Variants in DUSP14 observed in about 807,000 individuals in gnomAD.
DUSP14 encodes dual specificity phosphatase 14, also known as dual specificity protein phosphatase 14.
In DUSP14, 5 loss-of-function variants were observed where a neutral mutation model predicts 13.2. The ratio of observed to expected loss-of-function variants is 0.38; its 90% CI spans 0.20 to 0.80. The LOEUF (loss-of-function observed/expected upper bound fraction) is 0.80, where lower values mean the gene tolerates loss of function less well. Among genes scored for constraint, DUSP14 ranks in the 30% least tolerant of loss-of-function variants. DUSP14 has a pLI of 0.44. For synonymous variants in DUSP14, 91 were observed against 103.4 expected, an observed-to-expected ratio of 0.88 and a Z score of 0.73; for missense variants, 185 against 264.0, an observed-to-expected ratio of 0.70 and a Z score of 2.07.
chr17:37,497,056 G>A (rs1047948077), intron 1 of DUSP14, among the ~76,000 whole-genome samples: 1 of 151,508 alleles, frequency 6.6e-6, no homozygotes, highest in Non-Finnish European at 1.5e-5. Flanking sequence ...AGCTTCCTTG[G>A]GCCATTTCTC....
chr17:37,500,148 A>G (rs2054096047), intron 1 of DUSP14, among the ~76,000 whole-genome samples: 1 of 152,258 alleles, frequency 6.6e-6, no homozygotes, highest in Non-Finnish European at 1.5e-5. Flanking sequence ...TAGCGTGGTA[A>G]TTATAGGTGC....
intron 1 of DUSP14, among the ~76,000 whole-genome samples, chr17:37,508,340 C>G (rs1207762971): frequency 1.3e-5 from 2 of 152,224 alleles, no homozygotes; most frequent in Admixed American, 6.5e-5. Context: ...GGGACGGAAT[C>G]AGAAGCTGGG....
chr17:37,503,810 C>T (rs1240676556), intron 1 of DUSP14, among the ~76,000 whole-genome samples: 2 of 152,118 alleles, frequency 1.3e-5, no homozygotes, highest in African/African-American at 4.8e-5. Flanking sequence ...ATTTGTGTCA[C>T]GATGCTGGCA....
intron 1 of DUSP14, among the ~76,000 whole-genome samples, chr17:37,497,793 C>T (rs1199465583): frequency 1.3e-5 from 2 of 149,824 alleles, no homozygotes; most frequent in African/African-American, 4.9e-5. Context: ...CCCATGCCTA[C>T]AATCCCAGCA....
chr17:37,512,748 T>C lies in DUSP14; in HGVS notation c.476T>C (p.Ile159Thr). The C allele has an allele frequency of 1.9e-6, 3 of 1,613,996 alleles. No homozygotes were observed. Among genetic ancestry groups the C allele is most frequent in the Non-Finnish European group, 2.5e-6 (3 of 1,180,042 alleles). The change falls in exon 3 of 3, where the codon ATA (isoleucine) becomes ACA (threonine). Residue 159 changes from isoleucine to threonine, a missense_variant. By Grantham distance (89) the Ile-to-Thr change is moderately conservative. Transcript: ENST00000617516. The surrounding 1 kb of genome is among the most constrained non-coding windows in gnomAD (Gnocchi z 4.8). ...AACGTAGGCTTCTGGAGGCAACTGA[T>C]AGACTACGAGCGCCAGCTCTTTGGG... The part of the protein sequence containing the change: ...RPNVGFWRQL[I>T]DYERQLFGKS...
At chr17:37,498,312 ATCTTTTTTTT>A (rs2054079305) in intron 1 of DUSP14, among the ~76,000 whole-genome samples, 1 of 103,270 alleles carries the variant, frequency 9.7e-6, no homozygotes, top group Non-Finnish European at 1.9e-5. Context: ...ACTAGATTGT[ATCTTTTTTTT>A]TTTTTTTTTT....
At position 37,512,340 on chromosome 17, in the gene DUSP14, A is replaced by C. The variant is rs774354243; in HGVS notation, c.68A>C (p.Asp23Ala). The change falls in exon 3 of 3, where the codon GAC becomes GCC. Residue 23 changes from aspartate to alanine, a missense_variant. Transcript: ENST00000617516. This position sits in a 1 kb window ranked among gnomAD's most constrained non-coding sequence, Gnocchi z 4.8. The stretch of plus-strand genomic sequence containing the variant: ...GCCCCTCGGATGATTTCCGAGGGAG[A>C]CATAGGAGGCATTGCTCAAATCACC... ...LMAPRMISEG[D>A]IGGIAQITSS... 3.1e-6 allele frequency: 5 copies of C among 1,614,012 alleles called. No homozygotes were observed. In the South Asian group the frequency reaches 5.5e-5, roughly 18 times the overall value.
chr17:37,503,688 TCCA>T (rs923945561), intron 1 of DUSP14, among the ~76,000 whole-genome samples: 27 of 152,340 alleles, frequency 1.8e-4, no homozygotes, highest in Non-Finnish European at 3.8e-4. Context: ...ATGCAGACCT[TCCA>T]CCTTTTATAG....
intron 1 of DUSP14, among the ~76,000 whole-genome samples, chr17:37,499,360 G>A (rs1015648482): frequency 2.6e-5 from 4 of 152,034 alleles, no homozygotes; most frequent in Non-Finnish European, 5.9e-5. Context: ...TATTTTAAGA[G>A]ATGGGGTCTC....
chr17:37,505,922 C>T (rs2054134865), intron 1 of DUSP14, among the ~76,000 whole-genome samples: 1 of 151,942 alleles, frequency 6.6e-6, no homozygotes, highest in Non-Finnish European at 1.5e-5. Flanking sequence ...ACTTAGTGTT[C>T]GATGCTTATT....
intron 1 of DUSP14, among the ~76,000 whole-genome samples, chr17:37,494,337 G>A (rs959838145): frequency 6.6e-6 from 1 of 152,168 alleles, no homozygotes; most frequent in African/African-American, 2.4e-5. Context: ...TCCTTTGCCT[G>A]AGAAAGTAGA....
chr17:37,495,712 T>G (rs1221333925), intron 1 of DUSP14, among the ~76,000 whole-genome samples: 1 of 151,804 alleles, frequency 6.6e-6, no homozygotes, highest in Non-Finnish European at 1.5e-5. Context: ...CAGGCTGGAG[T>G]GCAGTGGCGC....
chr17:37,492,559 T>C (rs755959356), intron 1 of DUSP14, among the ~76,000 whole-genome samples: 5 of 152,220 alleles, frequency 3.3e-5, no homozygotes, highest in Non-Finnish European at 7.3e-5. Context: ...GTGCTGTGCC[T>C]GAATACAGAG....
chr17:37,488,618 T>C (rs1008503699), upstream of DUSP14, among the ~76,000 whole-genome samples: 8 of 152,228 alleles, frequency 5.3e-5, no homozygotes, highest in African/African-American at 1.9e-4. Context: ...CTTAGATTAA[T>C]TTTGCCTAAT....
rs149299052 is a variant in DUSP14 at position 37,512,573 on chromosome 17, A to G, written c.301A>G (p.Ser101Gly). ...CGTGGCTGACAAGATCCACAGTGTGAGCAGGAAGCACGGGGCCACCTTGGT... is the reference window on the plus strand; with the variant it reads ...CGTGGCTGACAAGATCCACAGTGTGGGCAGGAAGCACGGGGCCACCTTGGT... ...DTVADKIHSV[S>G]RKHGATLVHC... Residue 101 changes from serine to glycine, a missense_variant, in exon 3 of 3, where the codon AGC becomes GGC. Transcript: ENST00000617516. The surrounding 1 kb of genome is among the most constrained non-coding windows in gnomAD (Gnocchi z 4.8). 26 of 1,614,070 alleles carry G rather than the reference A, an allele frequency of 1.6e-5. No individual in the cohort carries two copies. The highest frequency in any genetic ancestry group is 1.6e-4 in the Middle Eastern group (1 of 6,084).
In DUSP14 at chr17:37,503,698, A is replaced by T. The variant is rs541497825; in HGVS notation, c.-180-6979A>T. ...GATAAATGCAGACCTTCCACCTTTT[A>T]TAGTTATTGATAGTCTCTTCTTGCT... is the stretch of plus-strand genomic sequence containing the variant. On this transcript the variant is annotated intron_variant, in intron 1 of 2. Transcript: ENST00000617516. Among the ~76,000 whole-genome samples, 4 of 152,230 alleles carry T rather than the reference A, an allele frequency of 2.6e-5. No individual in the cohort carries two copies. The South Asian group carries it at 8.3e-4, about 31-fold the overall frequency.
chr17:37,511,756 TA>T (rs112056297), intron 2 of DUSP14, among the ~76,000 whole-genome samples: 6 of 146,370 alleles, frequency 4.1e-5, no homozygotes, highest in South Asian at 2.2e-4. Flanking sequence ...CCCAGCTAAT[TA>T]AAAAAAAATA....
At chr17:37,509,262 TA>T (rs2054163466) in intron 1 of DUSP14, among the ~76,000 whole-genome samples, 1 of 26,998 alleles carries the variant, frequency 3.7e-5, no homozygotes, top group African/African-American at 1.3e-4. Context: ...TATATATATA[TA>T]TATATATATA....
Position 37,513,178 on chromosome 17 carries a change from T to G in DUSP14, c.*309T>G. ...TGCTCTCTTCTGAATCTCATGCCTT[T>G]GGCACCTTGGTAGGTGCAGGAGGAG... On this transcript the variant is annotated 3_prime_UTR_variant, in exon 3 of 3. Transcript: ENST00000617516. 2.9e-6 allele frequency: 1 copy of G among 349,588 alleles called. No homozygotes were observed. The highest frequency in any genetic ancestry group is 5.5e-6 in the Non-Finnish European group (1 of 183,280). 21.7% of individuals were successfully genotyped at this position (349,588 alleles called of 1,614,324 possible). A position where few individuals can be genotyped will look rare whatever the true frequency, so the allele number is the denominator to read the frequency against.
Sources: allele counts gnomAD v4.1 joint callset (sites outside exome capture counted in the v4.1 genomes callset), GRCh38; gene constraint gnomAD v4.1.1; non-coding constraint Gnocchi (gnomAD v3.1); transcripts MANE v1.5; gene names NCBI Gene and HGNC (gene_info 2026-07-23, HGNC 2026-07-21).